The following TPP2 variants were observed in gnomAD, a reference collection of about 807,000 sequenced individuals.
The protein encoded by TPP2 is tripeptidyl-peptidase 2.
TPP2 carries 34 observed loss-of-function variants against 155.9 expected under a neutral mutation model. The ratio of observed to expected loss-of-function variants is 0.22; its 90% CI spans 0.17 to 0.29. The LOEUF (loss-of-function observed/expected upper bound fraction) is 0.29. Ranked by LOEUF, TPP2 falls within the 10% of genes least tolerant of loss-of-function variation. TPP2 has a pLI of 1.00. For synonymous variants in TPP2, 510 were observed against 529.4 expected (o/e 0.96, Z 0.50); for missense variants, 1,028 against 1,522.3 (o/e 0.68, Z 5.40).
chr13:102,660,335 G>A (rs1450298651), intron 25 of TPP2, among the ~76,000 whole-genome samples: 7 of 151,616 alleles, frequency 4.6e-5, no homozygotes, highest in Admixed American at 2.0e-4. Context: ...TAAAATCGAA[G>A]ACCTAAGTCC....
rs547186537 is a variant in TPP2 at position 102,664,556 on chromosome 13, C to T, written c.3241-239C>T. ...TATTTTGCTTACTCTCACCATTGTA[C>T]TCCAGCAGGGAATGTAAATAAGGTA... is the stretch of plus-strand genomic sequence containing the variant. On this transcript the variant is annotated intron_variant, in intron 26 of 29. Transcript: ENST00000376052. 4.3e-4 allele frequency among the ~76,000 whole-genome samples: 65 copies of T among 152,176 alleles called. No homozygotes were observed. The South Asian group carries it at 0.01, about 24-fold the overall frequency.
chr13:102,665,627 A>ATT (rs1164344356), intron 27 of TPP2, among the ~76,000 whole-genome samples: 1 of 151,922 alleles, frequency 6.6e-6, no homozygotes, highest in Non-Finnish European at 1.5e-5. Context: ...GAACTCTTAA[A>ATT]CCATCACCTC....
At chr13:102,638,155 T>G in intron 14 of TPP2, 84 bp from the exon 15 acceptor site, 1 of 1,281,262 alleles carries the variant, frequency 7.8e-7, no homozygotes, top group Non-Finnish European at 1.1e-6. Context: ...GTAGATTGAT[T>G]TATTCTGTCA....
At chr13:102,611,288 A>G (rs1474910533) in intron 2 of TPP2, among the ~76,000 whole-genome samples, 1 of 152,224 alleles carries the variant, frequency 6.6e-6, no homozygotes, top group Non-Finnish European at 1.5e-5. Flanking sequence ...TCATGGAGAT[A>G]TGTCACTAGG....
At chr13:102,622,280 T>A (rs1162800175) in intron 5 of TPP2, among the ~76,000 whole-genome samples, 2 of 152,222 alleles carry the variant, frequency 1.3e-5, no homozygotes, top group African/African-American at 4.8e-5. Flanking sequence ...TTTTTGAATA[T>A]TAAGTGTATT....
rs771128391 is a variant in TPP2, at chr13:102,629,587, T to C, written c.1122T>C (p.Gly374=). 5.1e-6 allele frequency: 8 copies of C among 1,553,400 alleles called. No homozygotes were observed. Among genetic ancestry groups the C allele is most frequent in the Non-Finnish European group, 6.9e-6 (8 of 1,159,960 alleles). ...GCCTGTCTACAGTTGGTTGTCCAGG[T>C]GGAACTACATCAAGTGTGATAGGTT... ...GPCLSTVGCP[G]GTTSSVIGVG... is the part of the protein sequence containing the mutation. The change falls in exon 9 of 30, where the codon GGT becomes GGC. Residue 374 remains glycine, a synonymous_variant. Coordinates refer to ENST00000376052, the MANE Select transcript of TPP2 (RefSeq NM_001330588.2).
rs1460058023 is a variant in TPP2, at chr13:102,646,392, T to G, written c.2490+2T>G. ...GTCCTGACATATAACTTTCATCAAG[T>G]AAGTGTTTGCCTAGTAAAGTGTACC... is the stretch of plus-strand genomic sequence containing the variant. On this transcript the variant is annotated splice_donor_variant, in intron 20 of 29. Transcript: ENST00000376052. LOFTEE classifies it high-confidence loss of function. 6.2e-7 allele frequency: 1 copy of G among 1,609,310 alleles called. No individual in the cohort carries two copies. The highest frequency in any genetic ancestry group is 8.5e-7 in the Non-Finnish European group (1 of 1,177,646).
chr13:102,612,903 A>G (rs1880435792), intron 2 of TPP2, among the ~76,000 whole-genome samples: 1 of 152,190 alleles, frequency 6.6e-6, no homozygotes, highest in South Asian at 2.1e-4. Context: ...GATTTTCTGT[A>G]ATGTCTGTAC....
chr13:102,638,112 G>T, intron 14 of TPP2, 127 bp from the exon 15 acceptor site: 1 of 785,746 alleles, frequency 1.3e-6, no homozygotes, highest in Non-Finnish European at 2.1e-6. Flanking sequence ...TCAGGAAATT[G>T]GTGTCAACCT....
rs991663342 is a variant in TPP2 at position 102,634,082 on chromosome 13, T to C, written c.1377T>C (p.Ile459=). 6.2e-7 allele frequency: 1 copy of C among 1,614,122 alleles called. No individual in the cohort carries two copies. Among genetic ancestry groups the C allele is most frequent in the African/African-American group, 1.3e-5 (1 of 75,036 alleles). ...CTTCCCCCAATGCATGTGGAGGCAT[T>C]GCCCTGATCCTTTCAGGTAAGCGTG... The part of the protein sequence containing the change: ...SMSSPNACGG[I]ALILSGLKAN... The change falls in exon 11 of 30, where the codon ATT becomes ATC. Residue 459 remains isoleucine, a synonymous_variant. Transcript: ENST00000376052.
At chr13:102,612,554 A>G (rs1404813496) in intron 2 of TPP2, among the ~76,000 whole-genome samples, 3 of 152,218 alleles carry the variant, frequency 2.0e-5, no homozygotes, top group African/African-American at 7.2e-5. Context: ...CAAATATGCA[A>G]AATAAAATTT....
At chr13:102,628,727 A>T (rs1053466912) in intron 8 of TPP2, among the ~76,000 whole-genome samples, 1 of 152,098 alleles carries the variant, frequency 6.6e-6, no homozygotes, top group Non-Finnish European at 1.5e-5. Context: ...GGTTTTTGAG[A>T]CATCACTTTA....
At chr13:102,669,517 G>C (rs954284456) in intron 27 of TPP2, among the ~76,000 whole-genome samples, 7 of 152,132 alleles carry the variant, frequency 4.6e-5, no homozygotes, top group African/African-American at 1.7e-4. Context: ...GGTGAGAATT[G>C]GTATCAACGG....
intron 7 of TPP2, 102 bp from the exon 8 acceptor site, chr13:102,627,746 G>T: frequency 1.3e-6 from 1 of 785,050 alleles, no homozygotes; most frequent in Non-Finnish European, 2.0e-6. Context: ...ATTAGAATAT[G>T]ATTGGCTAAG....
At position 102,633,983 on chromosome 13, in the gene TPP2, G is replaced by A. The variant is rs756701909; in HGVS notation, c.1278G>A (p.Ala426=). ...ADGALGVSIS[A]PGGAIASVPN... is the part of the protein sequence containing the mutation. ...GGGCCCTTGGTGTGAGTATCAGTGC[G>A]CCAGGAGGAGCCATTGCTTCTGTTC... is the stretch of plus-strand genomic sequence containing the variant. The change falls in exon 11 of 30, where the codon GCG becomes GCA. Residue 426 remains alanine (A), a synonymous_variant. Transcript: ENST00000376052. The A allele has an allele frequency of 4.3e-6, 7 of 1,613,944 alleles. No individual in the cohort carries two copies. The Admixed American group carries it at 5.0e-5, about 12-fold the overall frequency.
chr13:102,598,283 C>T (rs940314063), intron 1 of TPP2, among the ~76,000 whole-genome samples: 2 of 152,186 alleles, frequency 1.3e-5, no homozygotes, highest in African/African-American at 2.4e-5. Flanking sequence ...ATCTTATCCT[C>T]CTTTCTACAC....
intron 27 of TPP2, among the ~76,000 whole-genome samples, chr13:102,666,766 C>CTTTATTTTTT (rs1884627545): frequency 1.8e-5 from 1 of 55,732 alleles, no homozygotes; most frequent in East Asian, 6.9e-4. Context: ...TTTTTAATCT[C>CTTTATTTTTT]TTTTTTTTTT....
chr13:102,606,017 C>G (rs946866184), intron 2 of TPP2, among the ~76,000 whole-genome samples: 3 of 152,296 alleles, frequency 2.0e-5, no homozygotes, highest in East Asian at 1.9e-4. Context: ...CCAGGGCACT[C>G]GGCCTACCAG....
intron 29 of TPP2, among the ~76,000 whole-genome samples, chr13:102,677,985 G>A (rs1245037760): frequency 1.3e-5 from 2 of 152,106 alleles, no homozygotes; most frequent in African/African-American, 4.8e-5. Flanking sequence ...TAGGAAAGAG[G>A]GAAAAGGACA....
Sources: gnomAD v4.1 joint callset for allele counts (sites outside exome capture counted in the v4.1 genomes callset) on GRCh38, gnomAD v4.1.1 for gene constraint, MANE v1.5 for transcripts, NCBI Gene and HGNC (gene_info 2026-07-23, HGNC 2026-07-21) for gene names.